The following TPH2 variants were observed in gnomAD, a reference collection of about 807,000 sequenced individuals.
The protein encoded by TPH2 is tryptophan 5-hydroxylase 2.
TPH2 carries 27 observed loss-of-function variants against 59.1 expected under a neutral mutation model. The ratio of observed to expected loss-of-function variants is 0.46; its 90% CI spans 0.34 to 0.63. The LOEUF is 0.63. TPH2 is among the 30% of genes least tolerant of loss of function. The pLI is 0.01. For missense variants in TPH2, 523 were observed against 588.3 expected (o/e 0.89, Z 1.15); for synonymous variants, 220 against 210.5 (o/e 1.05, Z -0.39).
At chr12:71,979,818 C>T (rs558332927) in intron 7 of TPH2, among the ~76,000 whole-genome samples, 2 of 152,286 alleles carry the variant, frequency 1.3e-5, no homozygotes, top group South Asian at 4.1e-4. Flanking sequence ...GTGTGAAATG[C>T]CCTGTATCAT....
intron 4 of TPH2, among the ~76,000 whole-genome samples, chr12:71,948,772 C>A (rs1871268267): frequency 6.6e-6 from 1 of 152,186 alleles, no homozygotes; most frequent in Admixed American, 6.5e-5. Context: ...GAGCTTCCAA[C>A]AGCTAGAAGA....
At chr12:71,939,862 G>T (rs1471627894) in intron 1 of TPH2, among the ~76,000 whole-genome samples, 1 of 152,046 alleles carries the variant, frequency 6.6e-6, no homozygotes, top group Non-Finnish European at 1.5e-5. Flanking sequence ...ATATTAAATG[G>T]TATTTTATTA....
intron 9 of TPH2, among the ~76,000 whole-genome samples, chr12:72,028,928 G>A (rs1873643048): frequency 2.0e-5 from 3 of 152,168 alleles, no homozygotes; most frequent in Admixed American, 2.0e-4. Flanking sequence ...CTTGAAGTCT[G>A]GGGCAGAGTG....
chr12:71,964,573 G>A (rs774239729), intron 5 of TPH2: 3 of 985,066 alleles, frequency 3.0e-6, no homozygotes, highest in Middle Eastern at 5.2e-4. Flanking sequence ...GTATTTGGCT[G>A]TATATTGTAG....
chr12:71,962,187 T>C (rs1041845517), intron 5 of TPH2: 1 of 985,826 alleles, frequency 1.0e-6, no homozygotes, highest in Non-Finnish European at 1.2e-6. Context: ...TCAGATGACT[T>C]GAATGTTTTG....
At chr12:71,975,676 G>T (rs1872098365) in intron 6 of TPH2, among the ~76,000 whole-genome samples, 1 of 152,116 alleles carries the variant, frequency 6.6e-6, no homozygotes, top group Admixed American at 6.5e-5. Flanking sequence ...CCTCCTTCAT[G>T]AATCTTGATT....
chr12:72,016,303 A>G (rs186655719), intron 8 of TPH2, among the ~76,000 whole-genome samples: 32 of 152,272 alleles, frequency 2.1e-4, no homozygotes, highest in Admixed American at 2.0e-3. Context: ...GATAACGTCA[A>G]TATGGAGCGT....
intron 1 of TPH2, among the ~76,000 whole-genome samples, chr12:71,939,395 C>A (rs1296361555): frequency 2.9e-3 from 350 of 121,572 alleles, no homozygotes; most frequent in Middle Eastern, 4.6e-3. Flanking sequence ...AATCTACAGC[C>A]AAAAAAAAAA....
chr12:71,940,882 T>C (rs1871039474), intron 1 of TPH2, among the ~76,000 whole-genome samples: 1 of 152,202 alleles, frequency 6.6e-6, no homozygotes, highest in African/African-American at 2.4e-5. Flanking sequence ...AATAATTAGC[T>C]GGCCAGGTTT....
In TPH2 at chr12:71,972,496, T is replaced by C. The variant is rs372343116; in HGVS notation, c.609-23T>C. Reference sequence around the variant, plus strand: ...CTCAGTGATTCAAAGTTAGATTCATTTAGTTTCTTCTCTCCTGCCTAGTGG... The same window carrying C: ...CTCAGTGATTCAAAGTTAGATTCATCTAGTTTCTTCTCTCCTGCCTAGTGG... On this transcript the variant is annotated intron_variant, in intron 5 of 10. Coordinates refer to ENST00000333850, the MANE Select transcript of TPH2 (RefSeq NM_173353.4). 4 of 1,612,160 alleles carry C rather than the reference T, an allele frequency of 2.5e-6. No homozygotes were observed. In the African/African-American group the frequency reaches 5.3e-5, roughly 22 times the overall value.
chr12:71,948,734 T>C (rs556143119), intron 4 of TPH2, among the ~76,000 whole-genome samples: 1 of 152,310 alleles, frequency 6.6e-6, no homozygotes, highest in African/African-American at 2.4e-5. Flanking sequence ...GCTGTAGTGG[T>C]AGGAGTCAAA....
At chr12:72,013,238 G>A (rs959981383) in intron 8 of TPH2, among the ~76,000 whole-genome samples, 1 of 152,254 alleles carries the variant, frequency 6.6e-6, no homozygotes, top group Middle Eastern at 3.4e-3. Context: ...AATGTATGCT[G>A]TTTTCACAAT....
chr12:71,994,368 T>A, intron 7 of TPH2, 71 bp from the exon 8 acceptor site: 1 of 1,576,490 alleles, frequency 6.3e-7, no homozygotes, highest in Non-Finnish European at 8.7e-7. Context: ...TTTAGGTTTT[T>A]AAGTCTTGTT....
intron 5 of TPH2, among the ~76,000 whole-genome samples, chr12:71,957,327 ATTTTTTTTTTTTT>A (rs35425528): frequency 1.0e-5 from 1 of 95,596 alleles, no homozygotes; most frequent in Non-Finnish European, 1.9e-5. Flanking sequence ...TGAGTAAAGG[ATTTTTTTTTTTTT>A]TTTTTTTTTT....
In TPH2 at chr12:72,031,274, A is replaced by G; in HGVS notation, c.1181A>G (p.Lys394Arg). Reference sequence around the variant, plus strand: ...ATTTTGCAGCACGCCCTTTCTGACAAGGCATGTGTGAAAGCCTTTGACCCA... The same window carrying G: ...ATTTTGCAGCACGCCCTTTCTGACAGGGCATGTGTGAAAGCCTTTGACCCA... ...IGELKHALSD[K>R]ACVKAFDPKT... Residue 394 changes from lysine to arginine, a missense_variant, in exon 10 of 11, where the codon AAG (lysine) becomes AGG (arginine). Physicochemically the swap from Lys to Arg is conservative, Grantham distance 26. Transcript: ENST00000333850. 1.2e-6 allele frequency: 2 copies of G among 1,613,560 alleles called. No individual in the cohort carries two copies. The highest frequency in any genetic ancestry group is 2.2e-5 in the South Asian group (2 of 91,066).
At chr12:71,954,731 G>C (rs1871446017) in intron 5 of TPH2, among the ~76,000 whole-genome samples, 1 of 152,078 alleles carries the variant, frequency 6.6e-6, no homozygotes, top group Admixed American at 6.6e-5. Flanking sequence ...ATTGTTGGGG[G>C]AACAATCAGT....
chr12:71,962,382 T>C (rs1871710806), intron 5 of TPH2: 1 of 985,476 alleles, frequency 1.0e-6, no homozygotes, highest in East Asian at 1.1e-4. Context: ...TTCTGTCCCT[T>C]TGGGTTTACA....
intron 9 of TPH2, among the ~76,000 whole-genome samples, chr12:72,025,069 G>A (rs1873530311): frequency 6.6e-6 from 1 of 152,034 alleles, no homozygotes; most frequent in Non-Finnish European, 1.5e-5. Context: ...AGTACCCAGA[G>A]CCCTCTCAAA....
chr12:72,000,186 T>A (rs1180991658), intron 8 of TPH2, among the ~76,000 whole-genome samples: 2 of 152,168 alleles, frequency 1.3e-5, no homozygotes, highest in East Asian at 3.8e-4. Context: ...AAGGAAAGAA[T>A]CCTGAAATAA....
Sources: gnomAD v4.1 joint callset for allele counts (sites outside exome capture counted in the v4.1 genomes callset) on GRCh38, gnomAD v4.1.1 for gene constraint, MANE v1.5 for transcripts, NCBI Gene and HGNC (gene_info 2026-07-23, HGNC 2026-07-21) for gene names.